Variants in ENTPD1 observed in about 807,000 individuals in gnomAD.
The protein encoded by ENTPD1 is ATP diphosphohydrolase.
In ENTPD1, 33 loss-of-function variants were observed where a neutral mutation model predicts 57.0. The ratio of observed to expected loss-of-function variants is 0.58; its 90% CI spans 0.44 to 0.77. The LOEUF is 0.77. Ranked by LOEUF, ENTPD1 falls within the 30% of genes least tolerant of loss-of-function variation. ENTPD1 has a pLI of 0.00. For synonymous variants in ENTPD1, 202 were observed against 218.8 expected (o/e 0.92, Z 0.68); for missense variants, 501 against 603.4 (o/e 0.83, Z 1.78).
At chr10:95,719,475 C>G (rs181938957) in intron 1 of ENTPD1, among the ~76,000 whole-genome samples, 6 of 152,292 alleles carry the variant, frequency 3.9e-5, no homozygotes, top group Admixed American at 1.3e-4. Flanking sequence ...TGCCAAGGAA[C>G]CCTCGTAGTT....
At chr10:95,820,277 G>A (rs2098344719) in intron 1 of ENTPD1, among the ~76,000 whole-genome samples, 1 of 152,084 alleles carries the variant, frequency 6.6e-6, no homozygotes, top group African/African-American at 2.4e-5. Context: ...GGTTCTTTTG[G>A]TAATAAAAAC....
At chr10:95,851,356 G>T (rs2098444687) in intron 7 of ENTPD1, among the ~76,000 whole-genome samples, 1 of 151,240 alleles carries the variant, frequency 6.6e-6, no homozygotes, top group African/African-American at 2.4e-5. Context: ...ATATTCACAA[G>T]TTCAACAAAG....
intron 1 of ENTPD1, among the ~76,000 whole-genome samples, chr10:95,729,720 G>C (rs997125800): frequency 6.6e-6 from 1 of 152,130 alleles, no homozygotes; most frequent in Non-Finnish European, 1.5e-5. Flanking sequence ...TCTTGGGTAG[G>C]TAAGAATTGA....
chr10:95,824,119 A>T (rs1373513179), intron 2 of ENTPD1, among the ~76,000 whole-genome samples: 2 of 152,254 alleles, frequency 1.3e-5, no homozygotes, highest in Admixed American at 1.3e-4. Flanking sequence ...TCTGTTAATT[A>T]AAAAGCATGT....
At position 95,807,482 on chromosome 10, in the gene ENTPD1, C is replaced by T. The variant is rs144195759; in HGVS notation, c.17-15755C>T. On this transcript the variant is annotated intron_variant, in intron 1 of 9. Transcript: ENST00000371205. ...GTGCTTCCCAGGTGAGGCGATGCCCCGCCCTGCTTCAGCTCACCCTCTGTG... is the reference window on the plus strand; with the variant it reads ...GTGCTTCCCAGGTGAGGCGATGCCCTGCCCTGCTTCAGCTCACCCTCTGTG... Among the ~76,000 whole-genome samples, 1,211 of 152,312 alleles carry T rather than the reference C, an allele frequency of 8.0e-3. 16 individuals carry two copies. Among genetic ancestry groups the T allele is most frequent in the African/African-American group, 0.028 (1,144 of 41,554 alleles).
chr10:95,805,637 C>G (rs984868435), intron 1 of ENTPD1, among the ~76,000 whole-genome samples: 5 of 152,118 alleles, frequency 3.3e-5, no homozygotes, highest in African/African-American at 1.2e-4. Context: ...ACTGGTTGTT[C>G]CTTTCCATGT....
chr10:95,722,245 T>TC (rs397779882), intron 1 of ENTPD1, among the ~76,000 whole-genome samples: 5 of 151,554 alleles, frequency 3.3e-5, no homozygotes, highest in African/African-American at 1.2e-4. Flanking sequence ...GTTTTTTTTT[T>TC]ATTATCCCAA....
intron 1 of ENTPD1, among the ~76,000 whole-genome samples, chr10:95,795,333 A>G (rs1232441685): frequency 1.3e-5 from 2 of 152,068 alleles, no homozygotes; most frequent in Admixed American, 1.3e-4. Flanking sequence ...CAGTAACTGG[A>G]TGAGTGGTGA....
At chr10:95,804,047 G>C (rs1173099442) in intron 1 of ENTPD1, among the ~76,000 whole-genome samples, 1 of 152,172 alleles carries the variant, frequency 6.6e-6, no homozygotes, top group African/African-American at 2.4e-5. Context: ...CCACTGTTCT[G>C]TTCCATTGGT....
At chr10:95,841,397 A>T (rs1289464058) in intron 3 of ENTPD1, among the ~76,000 whole-genome samples, 1 of 151,892 alleles carries the variant, frequency 6.6e-6, no homozygotes, top group East Asian at 1.9e-4. Flanking sequence ...AAAAAAAAAA[A>T]TCTAGCAGAT....
At chr10:95,843,421 G>A (rs3181129) in intron 4 of ENTPD1, 3 of 152,054 alleles carry the variant, frequency 2.0e-5, no homozygotes, top group African/African-American at 4.8e-5. Context: ...TATTGAGCCC[G>A]TCCTATGTTC....
intron 7 of ENTPD1, among the ~76,000 whole-genome samples, chr10:95,849,085 T>C (rs1008001791): frequency 1.3e-5 from 2 of 152,186 alleles, no homozygotes; most frequent in African/African-American, 2.4e-5. Context: ...GATAACATCA[T>C]TGTCATTATG....
chr10:95,695,551 A>G, the ENTPD1 span, among the ~76,000 whole-genome samples: 1 of 152,216 alleles, frequency 6.6e-6, no homozygotes, highest in Non-Finnish European at 1.5e-5. Context: ...AGTAGCTAAA[A>G]GTCTCTCTGT....
intron 1 of ENTPD1, among the ~76,000 whole-genome samples, chr10:95,773,786 A>G (rs567052782): frequency 5.3e-5 from 8 of 152,234 alleles, no homozygotes; most frequent in Non-Finnish European, 7.3e-5. Flanking sequence ...TAGTGCTGCA[A>G]TAAACATACA....
At chr10:95,754,095 G>C (rs991770583), upstream of ENTPD1, 2 of 151,950 alleles carry the variant, frequency 1.3e-5, no homozygotes, top group Non-Finnish European at 2.9e-5. Context: ...GATCACCTGA[G>C]GTCAGGAGTT....
chr10:95,804,204 A>G (rs1028711205), intron 1 of ENTPD1, among the ~76,000 whole-genome samples: 2 of 152,324 alleles, frequency 1.3e-5, no homozygotes, highest in South Asian at 2.1e-4. Context: ...TTGGTTCCAT[A>G]GGAGCTTTAA....
At chr10:95,699,536 A>G in the ENTPD1 span, among the ~76,000 whole-genome samples, 1 of 151,998 alleles carries the variant, frequency 6.6e-6, no homozygotes, top group African/African-American at 2.4e-5. Context: ...TGAGCCCAAG[A>G]GGTTGAGGCT....
chr10:95,845,591 A>G lies in ENTPD1; in HGVS notation c.808A>G (p.Ile270Val), dbSNP rs1377450745. ...QALWQKLAKDIQVASNEILRD... is the reference protein window; with the variant it reads ...QALWQKLAKDVQVASNEILRD... ...ACTCTGGCAGAAACTGGCCAAGGACATTCAGGCAAGTATAACTCAATCCAG... is the reference window on the plus strand; with the variant it reads ...ACTCTGGCAGAAACTGGCCAAGGACGTTCAGGCAAGTATAACTCAATCCAG... Residue 270 changes from isoleucine to valine, a missense_variant, in exon 6 of 10, where the codon ATT becomes GTT. Transcript: ENST00000371205. The G allele has an allele frequency of 3.1e-6, 5 of 1,614,242 alleles. No individual in the cohort carries two copies. In the Admixed American group the frequency reaches 8.3e-5, roughly 27 times the overall value.
At chr10:95,744,426 A>G (rs1273976200) in intron 1 of ENTPD1, among the ~76,000 whole-genome samples, 2 of 152,108 alleles carry the variant, frequency 1.3e-5, no homozygotes, top group African/African-American at 4.8e-5. Context: ...GCTTGAGGCC[A>G]GGAGTTCAAG....
Sources: allele counts gnomAD v4.1 joint callset (sites outside exome capture counted in the v4.1 genomes callset), GRCh38; gene constraint gnomAD v4.1.1; transcripts MANE v1.5; gene names NCBI Gene and HGNC (gene_info 2026-07-23, HGNC 2026-07-21).